The following STAG1 variants were observed in gnomAD, a reference collection of about 807,000 sequenced individuals.
STAG1 encodes cohesin subunit SA-1.
Under a neutral mutation model 170.9 loss-of-function variants are expected in STAG1, and 26 were observed. That is an observed-to-expected ratio of 0.15 (90% CI 0.11 to 0.21). The LOEUF (loss-of-function observed/expected upper bound fraction) is 0.21. STAG1 is among the 10% of genes least tolerant of loss of function. The probability of loss-of-function intolerance (pLI) is 1.00; values close to 1 mark genes in which losing one functional copy is unlikely to be tolerated. For missense variants in STAG1, 964 were observed against 1,509.5 expected, an observed-to-expected ratio of 0.64 and a Z score of 5.99; for synonymous variants, 514 against 497.7, an observed-to-expected ratio of 1.03 and a Z score of -0.44.
chr3:136,445,494 G>GTTT (rs1256018566), intron 14 of STAG1, among the ~76,000 whole-genome samples: 9 of 152,170 alleles, frequency 5.9e-5, no homozygotes, highest in African/African-American at 2.2e-4. Context: ...AAAATAAAGA[G>GTTT]TTTCAGTTTG....
chr3:136,588,076 G>A (rs989301724), intron 4 of STAG1, among the ~76,000 whole-genome samples: 18 of 152,286 alleles, frequency 1.2e-4, no homozygotes, highest in Admixed American at 1.2e-3. Flanking sequence ...TACCTTTTAT[G>A]TTAACATCTT....
intron 5 of STAG1, among the ~76,000 whole-genome samples, chr3:136,554,192 T>C (rs1362464303): frequency 2.0e-5 from 3 of 152,166 alleles, no homozygotes; most frequent in Non-Finnish European, 4.4e-5. Context: ...GATGTCTGTA[T>C]ACATCTAATA....
intron 1 of STAG1, among the ~76,000 whole-genome samples, chr3:136,689,467 A>G (rs1942643602): frequency 6.6e-6 from 1 of 152,236 alleles, no homozygotes; most frequent in African/African-American, 2.4e-5. Context: ...AAGGAATCAA[A>G]TTATATACTA....
intron 24 of STAG1, 48 bp from the exon 25 acceptor site, chr3:136,367,130 G>C (rs766425723): frequency 6.3e-6 from 9 of 1,426,880 alleles, no homozygotes; most frequent in Non-Finnish European, 7.7e-6. Flanking sequence ...CTTTATCCAC[G>C]TAAAACAATG....
chr3:136,448,251 A>C (rs1224657039), intron 14 of STAG1, among the ~76,000 whole-genome samples: 1 of 152,230 alleles, frequency 6.6e-6, no homozygotes, highest in African/African-American at 2.4e-5. Flanking sequence ...CAGTTCAGTT[A>C]ATCCCAGGTA....
chr3:136,745,360 C>T (rs959177812), intron 1 of STAG1, among the ~76,000 whole-genome samples: 11 of 152,132 alleles, frequency 7.2e-5, no homozygotes, highest in Non-Finnish European at 1.3e-4. Flanking sequence ...AGATTTATGA[C>T]ATCCTTCACT....
chr3:136,659,610 G>A (rs1176208775), intron 1 of STAG1, among the ~76,000 whole-genome samples: 2 of 152,112 alleles, frequency 1.3e-5, no homozygotes, highest in Non-Finnish European at 2.9e-5. Context: ...TACCTTAAAG[G>A]GCAACTACTT....
At chr3:136,542,669 T>TA (rs55825292) in intron 5 of STAG1, among the ~76,000 whole-genome samples, 3,372 of 113,076 alleles carry the variant, frequency 0.03, 31 homozygotes, top group Middle Eastern at 0.048. Context: ...CTGTTTGTAA[T>TA]AAAAAAAAAA....
intron 21 of STAG1, among the ~76,000 whole-genome samples, chr3:136,413,584 G>A (rs1384836062): frequency 2.0e-5 from 3 of 151,720 alleles, no homozygotes; most frequent in Non-Finnish European, 4.4e-5. Context: ...TCAGCCTCCC[G>A]AGTAGTTGAA....
chr3:136,354,378 T>TGCCCCTGGG (rs1200426609), intron 28 of STAG1, among the ~76,000 whole-genome samples: 1 of 152,156 alleles, frequency 6.6e-6, no homozygotes, highest in Non-Finnish European at 1.5e-5. Context: ...CTGCGACCTC[T>TGCCCCTGGG]GCCCCTGGGG....
intron 20 of STAG1, 83 bp downstream of exon 20, chr3:136,421,010 A>G (rs1337098633): frequency 1.3e-5 from 10 of 758,686 alleles, no homozygotes; most frequent in Non-Finnish European, 2.1e-5. Flanking sequence ...GCCTCAAGCA[A>G]TCTGCCCATC....
At chr3:136,558,789 A>G (rs1358907471) in intron 5 of STAG1, among the ~76,000 whole-genome samples, 6 of 152,240 alleles carry the variant, frequency 3.9e-5, no homozygotes, top group African/African-American at 1.4e-4. Flanking sequence ...CATTTTGTGC[A>G]TGAATACCAA....
At chr3:136,543,636 T>C (rs1460471569) in intron 5 of STAG1, among the ~76,000 whole-genome samples, 2 of 152,182 alleles carry the variant, frequency 1.3e-5, no homozygotes, top group Non-Finnish European at 2.9e-5. Context: ...TTACCGGATA[T>C]GGGACACTAG....
chr3:136,648,631 T>C (rs766089711), intron 1 of STAG1, among the ~76,000 whole-genome samples: 1 of 152,202 alleles, frequency 6.6e-6, no homozygotes, highest in African/African-American at 2.4e-5. Flanking sequence ...TGTAATGAAA[T>C]CATGCAGTCA....
intron 22 of STAG1, among the ~76,000 whole-genome samples, chr3:136,392,633 G>A (rs772403382): frequency 4.0e-4 from 61 of 152,022 alleles, no homozygotes; most frequent in Non-Finnish European, 7.7e-4. Flanking sequence ...AAGCGTGGTG[G>A]CATGCGCCTG....
chr3:136,432,489 T>G (rs2088332893), intron 16 of STAG1, among the ~76,000 whole-genome samples: 1 of 137,238 alleles, frequency 7.3e-6, no homozygotes, highest in African/African-American at 2.7e-5. Flanking sequence ...TAACTAAAGA[T>G]TTTAATTTTT....
At chr3:136,468,969 T>C (rs1286270499) in intron 12 of STAG1, among the ~76,000 whole-genome samples, 2 of 152,160 alleles carry the variant, frequency 1.3e-5, no homozygotes, top group Non-Finnish European at 2.9e-5. Context: ...ATACATTAGG[T>C]ATTGATGGGA....
At chr3:136,609,381 G>C (rs1187924038) in intron 3 of STAG1, 1 of 147,690 alleles carries the variant, frequency 6.8e-6, no homozygotes, top group Non-Finnish European at 1.5e-5. Context: ...ATATATATTT[G>C]TATATAAATT....
At chr3:136,466,736 T>C (rs1163367666) in intron 12 of STAG1, among the ~76,000 whole-genome samples, 1 of 152,108 alleles carries the variant, frequency 6.6e-6, no homozygotes, top group Non-Finnish European at 1.5e-5. Flanking sequence ...GGAAAAAATG[T>C]TAAGGGCAGC....
Sources: allele counts gnomAD v4.1 joint callset (sites outside exome capture counted in the v4.1 genomes callset), GRCh38; gene constraint gnomAD v4.1.1; transcripts MANE v1.5; gene names NCBI Gene and HGNC (gene_info 2026-07-23, HGNC 2026-07-21).